The following LDAF1 variants were observed in gnomAD, a reference collection of about 807,000 sequenced individuals.
The protein encoded by LDAF1 is PROMETHIN.
Under a neutral mutation model 13.5 loss-of-function variants are expected in LDAF1, and 7 were observed. That is an observed-to-expected ratio of 0.52 (90% CI 0.29 to 0.97). LDAF1 has a LOEUF of 0.97. LDAF1 is among the 50% of genes least tolerant of loss of function. The probability of loss-of-function intolerance (pLI) is 0.07; values close to 1 mark genes in which losing one functional copy is unlikely to be tolerated. For missense variants in LDAF1, 148 were observed against 193.2 expected, an observed-to-expected ratio of 0.77 and a Z score of 1.39; for synonymous variants, 69 against 77.1, an observed-to-expected ratio of 0.89 and a Z score of 0.55.
chr16:21,167,912 G>A lies in LDAF1; in HGVS notation c.97-2525G>A, dbSNP rs527839629. On this transcript the variant is annotated intron_variant, in intron 2 of 4. Transcript: ENST00000233047. Reference sequence around the variant, plus strand: ...TCCCAGCTACTCGGGAGGCTGAGGCGGGAGAATGGCTTGAACCCGGGAGGC... The same window carrying A: ...TCCCAGCTACTCGGGAGGCTGAGGCAGGAGAATGGCTTGAACCCGGGAGGC... Among the ~76,000 whole-genome samples, 108 of 149,164 alleles carry A rather than the reference G, an allele frequency of 7.2e-4. 2 individuals are homozygous for A. Among genetic ancestry groups the A allele is most frequent in the Admixed American group, 6.6e-3 (100 of 15,060 alleles).
At chr16:21,174,196 T>G (rs756651766) in intron 4 of LDAF1, 48 bp downstream of exon 4, 11 of 1,539,114 alleles carry the variant, frequency 7.1e-6, no homozygotes, top group African/African-American at 1.4e-5. Flanking sequence ...CTTTCTACTT[T>G]TTTGTTTTTT....
intron 4 of LDAF1, chr16:21,178,414 G>C (rs945422281): frequency 1.0e-6 from 1 of 984,336 alleles, no homozygotes; most frequent in East Asian, 1.1e-4. Flanking sequence ...GGGAGGAATG[G>C]TTTAGGTGGC....
Position 21,171,202 on chromosome 16 carries a change from C to T in LDAF1, c.265+597C>T, listed in dbSNP as rs1157670617. 2.6e-5 allele frequency among the ~76,000 whole-genome samples: 4 copies of T among 152,320 alleles called. No individual in the cohort carries two copies. The South Asian group carries it at 8.3e-4, about 32-fold the overall frequency. On this transcript the variant is annotated intron_variant, in intron 3 of 4. Coordinates refer to ENST00000233047, the MANE Select transcript of LDAF1 (RefSeq NM_001301771.2). The stretch of plus-strand genomic sequence containing the variant: ...CTTCCTCCTGAAGTTCCACTACCAA[C>T]AGTCAACTTCTCCCTGTATTCCTAA...
At chr16:21,162,402 GTTA>G (rs2092985104) in intron 2 of LDAF1, among the ~76,000 whole-genome samples, 1 of 151,632 alleles carries the variant, frequency 6.6e-6, no homozygotes, top group Non-Finnish European at 1.5e-5. Flanking sequence ...TTCAGATAGC[GTTA>G]TGTTTTCTTG....
chr16:21,161,275 A>G lies in LDAF1; in HGVS notation c.93A>G (p.Ser31=). The stretch of plus-strand genomic sequence containing the variant: ...TGATAGACTCCTTCCAGAATAACTC[A>G]AAGGTCAGTTTCCAATCACTATGTA... The part of the protein sequence containing the change: ...SLLIDSFQNN[S]KVVAFMKSPV... Residue 31 remains serine (S), a synonymous_variant, in exon 2 of 5, where the codon TCA becomes TCG. Coordinates refer to ENST00000233047, the MANE Select transcript of LDAF1 (RefSeq NM_001301771.2). 1 of 1,614,082 alleles carries G rather than the reference A, an allele frequency of 6.2e-7. No individual in the cohort carries two copies. The highest frequency in any genetic ancestry group is 8.5e-7 in the Non-Finnish European group (1 of 1,180,020).
At chr16:21,160,981 AC>A in intron 1 of LDAF1, 103 bp from the exon 2 acceptor site, 1 of 1,327,536 alleles carries the variant, frequency 7.5e-7, no homozygotes, top group Non-Finnish European at 9.7e-7. Context: ...TTGCCAGGTT[AC>A]CCTCCGTCTG....
At chr16:21,175,263 A>G (rs1485562806) in intron 4 of LDAF1, among the ~76,000 whole-genome samples, 2 of 152,216 alleles carry the variant, frequency 1.3e-5, no homozygotes, top group Non-Finnish European at 2.9e-5. Context: ...GACTCTCTTA[A>G]ACACTTTCCA....
intron 2 of LDAF1, among the ~76,000 whole-genome samples, chr16:21,161,905 C>T (rs1028794211): frequency 6.6e-6 from 1 of 152,116 alleles, no homozygotes; most frequent in African/African-American, 2.4e-5. Context: ...CGCCTGTGAT[C>T]CTAGCACTTT....
chr16:21,159,263 C>G, intron 1 of LDAF1: 1 of 1,393,072 alleles, frequency 7.2e-7, no homozygotes, highest in Non-Finnish European at 1.0e-6. Context: ...AAGTACTCGA[C>G]TCCCCTCTGA....
intron 4 of LDAF1, 132 bp downstream of exon 4, chr16:21,174,280 C>T: frequency 1.2e-6 from 1 of 802,720 alleles, no homozygotes; most frequent in Non-Finnish European, 1.9e-6. Flanking sequence ...GCCTCAACCT[C>T]CAAGGCTCAA....
intron 3 of LDAF1, among the ~76,000 whole-genome samples, chr16:21,171,619 A>G (rs896612876): frequency 6.6e-6 from 1 of 152,238 alleles, no homozygotes; most frequent in Non-Finnish European, 1.5e-5. Flanking sequence ...TTTACAGCAG[A>G]CAAGACTTTA....
chr16:21,178,428 T>C (rs1042026357), intron 4 of LDAF1: 35 of 982,912 alleles, frequency 3.6e-5, no homozygotes, highest in East Asian at 1.1e-4. Flanking sequence ...AGGTGGCAAA[T>C]AATGAAAAAA....
intron 4 of LDAF1, among the ~76,000 whole-genome samples, chr16:21,174,606 T>C (rs1368767265): frequency 6.6e-6 from 1 of 152,214 alleles, no homozygotes; most frequent in Non-Finnish European, 1.5e-5. Context: ...TAGTTCCCCA[T>C]GTATGCCAGG....
At chr16:21,173,238 A>G (rs2093106457) in intron 3 of LDAF1, 2 of 152,190 alleles carry the variant, frequency 1.3e-5, no homozygotes, top group Non-Finnish European at 2.9e-5. Context: ...AGCCTGCATG[A>G]CCTTTATACC....
At position 21,160,711 on chromosome 16, in the gene LDAF1, A is replaced by G. The variant is rs144608724; in HGVS notation, c.-98-374A>G. Among the ~76,000 whole-genome samples, 36 of 152,324 alleles carry G rather than the reference A, an allele frequency of 2.4e-4. 1 individual carries two copies. The South Asian group carries it at 3.7e-3, about 16-fold the overall frequency. The stretch of plus-strand genomic sequence containing the variant: ...CATTTTATCATCTTTTTTTAAAAGT[A>G]TCATACACATCTTTTCACATCACTA... On this transcript the variant is annotated intron_variant, in intron 1 of 4. Coordinates refer to ENST00000233047, the MANE Select transcript of LDAF1 (RefSeq NM_001301771.2).
intron 3 of LDAF1, 152 bp downstream of exon 3, chr16:21,170,757 C>T (rs900843673): frequency 2.5e-5 from 23 of 907,634 alleles, no homozygotes; most frequent in African/African-American, 6.7e-5. Context: ...CCTCCCACGT[C>T]GGCCTGCCAA....
chr16:21,166,930 ATC>A (rs2093029846), intron 2 of LDAF1: 1 of 1,533,118 alleles, frequency 6.5e-7, no homozygotes, highest in Non-Finnish European at 8.7e-7. Flanking sequence ...TGCTACAGTC[ATC>A]TCTGGCTAGA....
chr16:21,174,100 C>T lies in LDAF1; in HGVS notation c.356C>T (p.Ala119Val). The change falls in exon 4 of 5, where the codon GCA becomes GTA. Residue 119 changes from alanine to valine, a missense_variant. By Grantham distance (64) the Ala-to-Val change is moderately conservative. Transcript: ENST00000233047. The stretch of plus-strand genomic sequence containing the variant: ...CTCGCCATGTCGGGGATGATGATAG[C>T]ATCTTATGTAGTGGTCTCCAGCCTC... ...VSLAMSGMMIASYVVVSSLIS... is the reference protein window; with the variant it reads ...VSLAMSGMMIVSYVVVSSLIS... 3 of 1,614,104 alleles carry T rather than the reference C, an allele frequency of 1.9e-6. No homozygotes were observed. Among genetic ancestry groups the T allele is most frequent in the Non-Finnish European group, 2.5e-6 (3 of 1,179,998 alleles).
chr16:21,166,108 C>T (rs2093021809), intron 2 of LDAF1, among the ~76,000 whole-genome samples: 1 of 152,088 alleles, frequency 6.6e-6, no homozygotes, highest in East Asian at 1.9e-4. Context: ...GTAATCTGCC[C>T]ACCTCAGCCT....
Sources: gnomAD v4.1 joint callset for allele counts (sites outside exome capture counted in the v4.1 genomes callset) on GRCh38, gnomAD v4.1.1 for gene constraint, MANE v1.5 for transcripts, NCBI Gene and HGNC (gene_info 2026-07-23, HGNC 2026-07-21) for gene names.